The following AGBL3 variants were observed in gnomAD, a reference collection of about 807,000 sequenced individuals.
AGBL3 encodes the protein AGBL carboxypeptidase 3.
AGBL3 carries 68 observed loss-of-function variants against 94.5 expected under a neutral mutation model. The ratio of observed to expected loss-of-function variants is 0.72; its 90% confidence interval spans 0.59 to 0.88. The LOEUF is 0.88. Among genes scored for constraint, AGBL3 ranks in the 40% least tolerant of loss-of-function variants. AGBL3 has a pLI of 0.00. For missense variants in AGBL3, 934 were observed against 1,103.8 expected, an observed-to-expected ratio of 0.85 and a Z score of 2.18; for synonymous variants, 354 against 370.7, an observed-to-expected ratio of 0.95 and a Z score of 0.52.
chr7:135,122,665 A>C (rs1204064462), intron 16 of AGBL3, among the ~76,000 whole-genome samples: 1 of 152,174 alleles, frequency 6.6e-6, no homozygotes, highest in Non-Finnish European at 1.5e-5. Flanking sequence ...GAGGTCAGAG[A>C]TCCCAGAAGA....
intron 12 of AGBL3, among the ~76,000 whole-genome samples, chr7:135,072,501 C>T (rs934933304): frequency 3.9e-5 from 6 of 152,140 alleles, no homozygotes; most frequent in Non-Finnish European, 7.3e-5. Context: ...ACAGCAAAGT[C>T]TTGGAACCAA....
At chr7:135,065,057 C>T (rs1019365815) in intron 12 of AGBL3, among the ~76,000 whole-genome samples, 1 of 152,138 alleles carries the variant, frequency 6.6e-6, no homozygotes, top group Non-Finnish European at 1.5e-5. Flanking sequence ...GCCTCACATC[C>T]TCACTATACT....
At chr7:135,098,044 G>A (rs909704799) in intron 15 of AGBL3, among the ~76,000 whole-genome samples, 1 of 152,134 alleles carries the variant, frequency 6.6e-6, no homozygotes, top group Admixed American at 6.5e-5. Context: ...TTTAGATATG[G>A]AGACCCTACA....
At chr7:135,035,973 G>A (rs1479630567) in intron 7 of AGBL3, among the ~76,000 whole-genome samples, 1 of 151,958 alleles carries the variant, frequency 6.6e-6, no homozygotes, top group East Asian at 1.9e-4. Flanking sequence ...AATGAGAAAA[G>A]GGCAATAAAT....
chr7:135,039,957 G>C (rs1005839043), intron 8 of AGBL3, among the ~76,000 whole-genome samples: 19 of 151,848 alleles, frequency 1.3e-4, no homozygotes, highest in African/African-American at 4.6e-4. Context: ...TGATGAGAAA[G>C]TAGGAGGAAG....
Position 135,135,458 on chromosome 7 carries a change from G to T in AGBL3, c.*197G>T, listed in dbSNP as rs1829305229. The T allele has an allele frequency of 2.5e-6, 1 of 393,650 alleles. No homozygotes were observed. Among genetic ancestry groups the T allele is most frequent in the South Asian group, 1.2e-4 (1 of 8,010 alleles). The allele number at this position is 393,650 out of a possible 1,614,324, so 24.4% of individuals were successfully genotyped here. ...TCAGAGATTTAAAAAGAAATCCAGA[G>T]AAAATATGGAAAAATATTAAAGCAG... On this transcript the variant is annotated 3_prime_UTR_variant, in exon 17 of 17. Coordinates refer to ENST00000436302, the MANE Select transcript of AGBL3 (RefSeq NM_178563.4).
chr7:135,114,939 C>T (rs1986485), intron 15 of AGBL3, among the ~76,000 whole-genome samples: 144,921 of 152,188 alleles, frequency 0.95, 69,342 homozygotes, highest in Non-Finnish European at 1. Flanking sequence ...CCTAAATTTA[C>T]CCCTTATAAC....
intron 12 of AGBL3, among the ~76,000 whole-genome samples, chr7:135,062,970 G>C (rs957398495): frequency 1.3e-5 from 2 of 152,070 alleles, no homozygotes; most frequent in African/African-American, 2.4e-5. Context: ...GTAGAATTCA[G>C]CAGTCAAACC....
chr7:135,073,751 C>T (rs1216411651), intron 12 of AGBL3, among the ~76,000 whole-genome samples: 1 of 151,994 alleles, frequency 6.6e-6, no homozygotes, highest in Non-Finnish European at 1.5e-5. Context: ...GGGCTACATA[C>T]ACCGGTAATT....
At chr7:135,074,903 T>C (rs181013541) in intron 12 of AGBL3, among the ~76,000 whole-genome samples, 86 of 152,324 alleles carry the variant, frequency 5.6e-4, no homozygotes, top group East Asian at 5.8e-4. Flanking sequence ...ATTTTGAGTA[T>C]AGGCATCTTT....
At chr7:135,033,130 G>A in intron 6 of AGBL3, 148 bp downstream of exon 6, 1 of 904,170 alleles carries the variant, frequency 1.1e-6, no homozygotes, top group East Asian at 3.0e-5. Context: ...TGTGGAGGAG[G>A]GGAGTATAAA....
chr7:135,005,751 A>G (rs757719727), intron 4 of AGBL3, among the ~76,000 whole-genome samples: 32 of 151,898 alleles, frequency 2.1e-4, no homozygotes, highest in Non-Finnish European at 3.5e-4. Flanking sequence ...TTAGATTAGT[A>G]GAAGAGAATA....
intron 3 of AGBL3, among the ~76,000 whole-genome samples, chr7:134,992,178 G>A (rs1036280310): frequency 1.3e-5 from 2 of 152,220 alleles, no homozygotes; most frequent in African/African-American, 2.4e-5. Flanking sequence ...TTCAGTTAAA[G>A]AATGTTGGAC....
chr7:135,004,853 T>G (rs1467051234), intron 4 of AGBL3, among the ~76,000 whole-genome samples: 2 of 151,634 alleles, frequency 1.3e-5, no homozygotes, highest in Non-Finnish European at 3.0e-5. Context: ...GTGCTTGAAA[T>G]TATTTATTAG....
chr7:135,073,040 C>A (rs934796528), intron 12 of AGBL3, among the ~76,000 whole-genome samples: 2 of 151,580 alleles, frequency 1.3e-5, no homozygotes, highest in African/African-American at 2.4e-5. Context: ...GACATTATGC[C>A]CCGTAAAATA....
intron 12 of AGBL3, among the ~76,000 whole-genome samples, chr7:135,061,706 G>T (rs1818851796): frequency 6.6e-6 from 1 of 152,028 alleles, no homozygotes; most frequent in South Asian, 2.1e-4. Context: ...TAAATGCACA[G>T]ATTTATTTTG....
intron 14 of AGBL3, among the ~76,000 whole-genome samples, chr7:135,081,412 C>G (rs868150583): frequency 2.0e-5 from 3 of 152,014 alleles, no homozygotes; most frequent in African/African-American, 7.2e-5. Flanking sequence ...GTTAAACTTA[C>G]ATTTTGTTTC....
At chr7:135,065,883 C>A (rs571152161) in intron 12 of AGBL3, among the ~76,000 whole-genome samples, 3 of 151,992 alleles carry the variant, frequency 2.0e-5, no homozygotes, top group African/African-American at 4.8e-5. Flanking sequence ...AGAATGAGAC[C>A]CTGTATCAAA....
chr7:135,074,978 T>C (rs1050081614), intron 12 of AGBL3, among the ~76,000 whole-genome samples: 3 of 152,198 alleles, frequency 2.0e-5, no homozygotes, highest in East Asian at 1.9e-4. Flanking sequence ...TGAAACATAA[T>C]ACCAATTAAA....
Sources: allele counts gnomAD v4.1 joint callset (sites outside exome capture counted in the v4.1 genomes callset), GRCh38; gene constraint gnomAD v4.1.1; transcripts MANE v1.5; gene names NCBI Gene and HGNC (gene_info 2026-07-23, HGNC 2026-07-21).